The following EFHB variants were observed in gnomAD, a reference collection of about 807,000 sequenced individuals.
EFHB encodes EF-hand domain family member B.
A neutral mutation model predicts 87.2 loss-of-function variants in EFHB; 91 were observed. The ratio of observed to expected loss-of-function variants is 1.04; its 90% CI spans 0.88 to 1.24. EFHB has a LOEUF of 1.24. Ranked by LOEUF, EFHB falls within the 50% of genes most tolerant of loss-of-function variation. The pLI, the probability that EFHB is intolerant of heterozygous loss-of-function variation, is 0.00. For synonymous variants in EFHB, 325 were observed against 333.6 expected (o/e 0.97, Z 0.28); for missense variants, 1,084 against 998.8 (o/e 1.09, Z -1.15).
intron 7 of EFHB, 65 bp from the exon 8 acceptor site, chr3:19,898,910 T>C: frequency 6.5e-7 from 1 of 1,532,064 alleles, no homozygotes; most frequent in South Asian, 1.1e-5. Flanking sequence ...ATTTAAAATA[T>C]GTTTGCCATA....
At chr3:19,892,957 CTT>C (rs757481642) in intron 9 of EFHB, among the ~76,000 whole-genome samples, 4 of 143,596 alleles carry the variant, frequency 2.8e-5, no homozygotes, top group Admixed American at 2.1e-4. Flanking sequence ...TCTCTATTTT[CTT>C]TTTTTTTTTT....
intron 6 of EFHB, among the ~76,000 whole-genome samples, chr3:19,904,260 C>T (rs903377352): frequency 2.6e-5 from 4 of 152,112 alleles, no homozygotes; most frequent in African/African-American, 9.7e-5. Flanking sequence ...AAACTGATGG[C>T]GTAAAAAAAT....
chr3:19,943,128 G>T, intron 1 of EFHB: 1 of 246,878 alleles, frequency 4.1e-6, no homozygotes, highest in South Asian at 6.2e-5. Context: ...CTGTGTTCAT[G>T]GGGTTCATTG....
In EFHB at chr3:19,896,803, A is replaced by G. The variant is rs1694501856; in HGVS notation, c.1609T>C (p.Tyr537His). ...CGCTGTCTATCCTTGCCTCGAAGAT[A>G]TTCATCCGGAAGTCTATTATGGATG... ...DLIHNRLPDE[Y>H]LRGKDRQRAL... Residue 537 changes from tyrosine (Y) to histidine (H), a missense_variant, in exon 9 of 13, where the codon TAT becomes CAT. Transcript: ENST00000295824. The G allele has an allele frequency of 6.2e-7, 1 of 1,613,874 alleles. No individual in the cohort carries two copies. Among genetic ancestry groups the G allele is most frequent in the South Asian group, 1.1e-5 (1 of 91,088 alleles).
At chr3:19,943,637 A>G (rs970093265) in intron 1 of EFHB, among the ~76,000 whole-genome samples, 3 of 152,236 alleles carry the variant, frequency 2.0e-5, no homozygotes, top group African/African-American at 7.2e-5. Flanking sequence ...ACTTATTGTA[A>G]GTAATCTGAA....
chr3:19,920,666 C>A, intron 1 of EFHB, 99 bp from the exon 2 acceptor site: 1 of 901,398 alleles, frequency 1.1e-6, no homozygotes, highest in Admixed American at 3.1e-5. Context: ...TCTGAGGCTA[C>A]AAAGTTACTT....
rs1694498396 is a variant in EFHB, at chr3:19,896,736, T to C, written c.1676A>G (p.Asn559Ser). ...AAVRHHLKKVNYQKFDTLLAA... is the reference protein window; with the variant it reads ...AAVRHHLKKVSYQKFDTLLAA... ...CAGCAAAGTGTCAAACTTTTGGTAATTAACTTTCTTCAGGTGATGCCGAAC... is the reference window on the plus strand; with the variant it reads ...CAGCAAAGTGTCAAACTTTTGGTAACTAACTTTCTTCAGGTGATGCCGAAC... The change falls in exon 9 of 13, where the codon AAT becomes AGT. Residue 559 changes from asparagine (N) to serine (S), a missense_variant. Asn to Ser is a conservative substitution (Grantham distance 46). Coordinates refer to ENST00000295824, the MANE Select transcript of EFHB (RefSeq NM_144715.4). 6.2e-7 allele frequency: 1 copy of C among 1,614,056 alleles called. No homozygotes were observed. The highest frequency in any genetic ancestry group is 1.3e-5 in the African/African-American group (1 of 75,072).
intron 1 of EFHB, chr3:19,943,272 G>A: frequency 7.8e-6 from 2 of 257,008 alleles, no homozygotes; most frequent in Admixed American, 8.0e-5. Context: ...CCACACAAGA[G>A]TAGATGGTGC....
intron 9 of EFHB, among the ~76,000 whole-genome samples, chr3:19,891,388 C>G (rs747046052): frequency 5.3e-5 from 8 of 152,000 alleles, no homozygotes; most frequent in Non-Finnish European, 1.0e-4. Context: ...AAAAATTATT[C>G]ACCACTCTGT....
At chr3:19,933,087 C>T in intron 1 of EFHB, 143 bp downstream of exon 1, 2 of 1,072,500 alleles carry the variant, frequency 1.9e-6, no homozygotes, top group East Asian at 2.6e-5. Flanking sequence ...TGCAAAGATT[C>T]CAGTGGGGCA....
At chr3:19,922,234 T>C (rs929998032) in intron 1 of EFHB, among the ~76,000 whole-genome samples, 2 of 152,176 alleles carry the variant, frequency 1.3e-5, no homozygotes, top group African/African-American at 4.8e-5. Flanking sequence ...CTTTTGCATA[T>C]GGATTATTCT....
intron 4 of EFHB, among the ~76,000 whole-genome samples, chr3:19,915,950 C>T (rs1358187062): frequency 6.6e-6 from 1 of 152,038 alleles, no homozygotes; most frequent in East Asian, 1.9e-4. Context: ...TGTACTCCAG[C>T]CTGGGCAACA....
chr3:19,929,708 C>CAA (rs34016968), intron 1 of EFHB, among the ~76,000 whole-genome samples: 21,639 of 79,196 alleles, frequency 0.27, 3,466 homozygotes, highest in Non-Finnish European at 0.31. Flanking sequence ...GACTCCATCT[C>CAA]AAAAAAAAAA....
At chr3:19,907,328 T>C (rs1694873076) in intron 5 of EFHB, among the ~76,000 whole-genome samples, 1 of 152,166 alleles carries the variant, frequency 6.6e-6, no homozygotes, top group Non-Finnish European at 1.5e-5. Context: ...AGAAAATATG[T>C]AGCTCAATTC....
chr3:19,946,093 C>T (rs755868142), intron 1 of EFHB: 2 of 152,144 alleles, frequency 1.3e-5, no homozygotes, highest in African/African-American at 2.4e-5. Flanking sequence ...TCAGTAGGTC[C>T]CCCGTGGAGG....
In EFHB at chr3:19,934,063, T is replaced by C. The variant is rs1157734471; in HGVS notation, c.-45A>G. The C allele has an allele frequency of 1.9e-6, 3 of 1,539,038 alleles. No individual in the cohort carries two copies. Among genetic ancestry groups the C allele is most frequent in the Non-Finnish European group, 2.6e-6 (3 of 1,143,370 alleles). On this transcript the variant is annotated 5_prime_UTR_variant, in exon 1 of 13. Transcript: ENST00000295824. ...TCATTTCTCCAAGAGCGCTCATCTC[T>C]AAGGGGAAAGCTGTACCTGGCTACA...
chr3:19,882,067 A>T (rs113196416), intron 12 of EFHB, among the ~76,000 whole-genome samples: 4 of 150,462 alleles, frequency 2.7e-5, no homozygotes, highest in Admixed American at 2.6e-4. Flanking sequence ...AAATAATTAA[A>T]TAAGACAGAT....
chr3:19,899,345 C>G, intron 7 of EFHB, 87 bp downstream of exon 7: 1 of 852,030 alleles, frequency 1.2e-6, no homozygotes, highest in Admixed American at 3.0e-5. Context: ...TAGATAGAAT[C>G]TAATAGGCAC....
upstream of EFHB, chr3:19,936,371 A>G (rs968178316): frequency 7.5e-6 from 4 of 534,872 alleles, no homozygotes; most frequent in African/African-American, 3.9e-5. Context: ...CAAGACATGC[A>G]TGGGTAACAC....
Sources: allele counts gnomAD v4.1 joint callset (sites outside exome capture counted in the v4.1 genomes callset), GRCh38; gene constraint gnomAD v4.1.1; transcripts MANE v1.5; gene names NCBI Gene and HGNC (gene_info 2026-07-23, HGNC 2026-07-21).